Variants in SPIRE2 observed in about 807,000 individuals in gnomAD.
SPIRE2 encodes the protein protein spire homolog 2.
A neutral mutation model predicts 80.7 loss-of-function variants in SPIRE2; 76 were observed. The ratio of observed to expected loss-of-function variants is 0.94; its 90% confidence interval spans 0.78 to 1.14. The LOEUF (loss-of-function observed/expected upper bound fraction) is 1.14, where lower values mean the gene tolerates loss of function less well. Ranked by LOEUF, SPIRE2 falls within the 50% of genes most tolerant of loss-of-function variation. The pLI is 0.00. For missense variants in SPIRE2, 1,196 were observed against 1,015.3 expected, an observed-to-expected ratio of 1.18 and a Z score of -2.42; for synonymous variants, 535 against 432.6, an observed-to-expected ratio of 1.24 and a Z score of -2.94.
intron 1 of SPIRE2, among the ~76,000 whole-genome samples, chr16:89,829,771 G>T (rs1259124825): frequency 6.6e-6 from 1 of 151,472 alleles, no homozygotes; most frequent in South Asian, 2.1e-4. Context: ...ACAGGTGACA[G>T]CAAGAGCAGG....
chr16:89,832,817 T>TTTG (rs901220610), intron 1 of SPIRE2, among the ~76,000 whole-genome samples: 3 of 151,922 alleles, frequency 2.0e-5, no homozygotes, highest in African/African-American at 7.3e-5. Context: ...GGGCCCTGTT[T>TTTG]TTGTTGTTGT....
In SPIRE2 at chr16:89,870,257, T is replaced by G. The variant is rs777746782; in HGVS notation, c.2130T>G (p.Thr710=). Residue 710 remains threonine, a synonymous_variant, in exon 15 of 15, where the codon ACT becomes ACG. Coordinates refer to ENST00000378247, the MANE Select transcript of SPIRE2 (RefSeq NM_032451.2). Reference sequence around the variant, plus strand: ...CCCTCTACATCCCTAACACCAGGACTCTTGACTTCAAGTGACAGCCCCAGG... The same window carrying G: ...CCCTCTACATCCCTAACACCAGGACGCTTGACTTCAAGTGACAGCCCCAGG... ...TQSLYIPNTR[T]LDFK is the part of the protein sequence containing the mutation. 1.4e-5 allele frequency: 23 copies of G among 1,595,864 alleles called. No homozygotes were observed. Among genetic ancestry groups the G allele is most frequent in the Admixed American group, 5.2e-5 (3 of 57,220 alleles).
chr16:89,855,771 C>A, intron 6 of SPIRE2, 85 bp downstream of exon 6: 1 of 1,363,568 alleles, frequency 7.3e-7, no homozygotes. Context: ...CCCAGCACGT[C>A]TTCCTGTGGC....
At position 89,870,365 on chromosome 16, in the gene SPIRE2, T is replaced by G; in HGVS notation, c.*93T>G. On this transcript the variant is annotated 3_prime_UTR_variant, in exon 15 of 15. Transcript: ENST00000378247. ...CTGTGCATGTACATATATACATATA[T>G]AGATACATTTATAATATATACACAC... 2.9e-6 allele frequency: 2 copies of G among 679,804 alleles called. No individual in the cohort carries two copies. Among genetic ancestry groups the G allele is most frequent in the Non-Finnish European group, 5.1e-6 (2 of 395,454 alleles). 42.1% of individuals were successfully genotyped at this position (679,804 alleles called of 1,614,324 possible).
At position 89,869,665 on chromosome 16, in the gene SPIRE2, G is replaced by C; in HGVS notation, c.1905G>C (p.Gln635His). 1 of 1,613,870 alleles carries C rather than the reference G, an allele frequency of 6.2e-7. No individual in the cohort carries two copies. The highest frequency in any genetic ancestry group is 8.5e-7 in the Non-Finnish European group (1 of 1,179,772). Residue 635 changes from glutamine (Q) to histidine (H), a missense_variant, in exon 14 of 15, where the codon CAG (glutamine) becomes CAC (histidine). By Grantham distance (24) the Gln-to-His change is conservative (BLOSUM62 0). Coordinates refer to ENST00000378247, the MANE Select transcript of SPIRE2 (RefSeq NM_032451.2). ...CAGCTGCCAAAACCGCGCCAATCCA[G>C]AGAAGAGACATCTTTCAGTGCGTTC... ...RVSAAKTAPI[Q>H]RRDIFQSLQG...
At chr16:89,865,105 C>T (rs2041778093) in intron 12 of SPIRE2, among the ~76,000 whole-genome samples, 1 of 148,164 alleles carries the variant, frequency 6.7e-6, no homozygotes, top group East Asian at 2.0e-4. Context: ...CTCCTGAGTT[C>T]CCACCATTCT....
At chr16:89,858,934 G>C (rs2041717349) in intron 8 of SPIRE2, among the ~76,000 whole-genome samples, 1 of 152,206 alleles carries the variant, frequency 6.6e-6, no homozygotes, top group Admixed American at 6.5e-5. Flanking sequence ...AGAGGGCTCT[G>C]CCTCCGTCTG....
At chr16:89,860,486 C>T (rs1376801491) in intron 9 of SPIRE2, among the ~76,000 whole-genome samples, 197 bp from the exon 10 acceptor site, 1 of 152,034 alleles carries the variant, frequency 6.6e-6, no homozygotes, top group Non-Finnish European at 1.5e-5. Flanking sequence ...GTCTCAAGCT[C>T]CTAGGCTCAA....
Position 89,867,101 on chromosome 16 carries a change from G to A in SPIRE2, c.1779-1088G>A, listed in dbSNP as rs139816986. On this transcript the variant is annotated intron_variant, in intron 12 of 14. Coordinates refer to ENST00000378247, the MANE Select transcript of SPIRE2 (RefSeq NM_032451.2). ...GAAGGAATCTTAGATGTCTTTCCAA[G>A]ACAGTGTGCAAGTTTTTTTTTTGTT... Among the ~76,000 whole-genome samples the A allele has an allele frequency of 3.3e-5, 5 of 152,034 alleles. No homozygotes were observed. In the East Asian group the frequency reaches 9.7e-4, roughly 29 times the overall value.
intron 7 of SPIRE2, among the ~76,000 whole-genome samples, chr16:89,856,623 T>G (rs2143816036): frequency 6.7e-6 from 1 of 149,278 alleles, no homozygotes; most frequent in East Asian, 2.0e-4. Flanking sequence ...TTTTTTTTTT[T>G]TTTTTTTTGT....
intron 1 of SPIRE2, among the ~76,000 whole-genome samples, chr16:89,829,527 G>A (rs942330850): frequency 6.6e-6 from 1 of 152,252 alleles, no homozygotes; most frequent in African/African-American, 2.4e-5. Flanking sequence ...GCAGAGGCAG[G>A]CTGTGTGTTT....
intron 10 of SPIRE2, among the ~76,000 whole-genome samples, chr16:89,861,123 T>C (rs1006941911): frequency 6.6e-6 from 1 of 152,064 alleles, no homozygotes; most frequent in African/African-American, 2.4e-5. Context: ...TGAGGGGGGT[T>C]CACTGGGTCG....
intron 7 of SPIRE2, among the ~76,000 whole-genome samples, chr16:89,857,318 TAGAGAC>T (rs1321111962): frequency 1.3e-5 from 2 of 151,702 alleles, no homozygotes; most frequent in Non-Finnish European, 2.9e-5. Flanking sequence ...GTGTTTTTTG[TAGAGAC>T]AGGGTCTCAC....
chr16:89,868,210 C>T lies in SPIRE2; in HGVS notation c.1800C>T (p.Ser600=). The T allele has an allele frequency of 1.2e-6, 2 of 1,614,010 alleles. No individual in the cohort carries two copies. The highest frequency in any genetic ancestry group is 1.3e-5 in the African/African-American group (1 of 74,988). The part of the protein sequence containing the change: ...FCKRAVCTSC[S]IKMKMPSKKF... ...CCAGAGCCGTCTGCACTTCCTGTAG[C>T]ATAAAGGTGAGGACCATGTGGGATC... is the stretch of plus-strand genomic sequence containing the variant. The change falls in exon 13 of 15, where the codon AGC becomes AGT. Residue 600 remains serine, a synonymous_variant. Transcript: ENST00000378247.
At chr16:89,845,507 G>A (rs774064979) in intron 2 of SPIRE2, 142 bp downstream of exon 2, 5 of 802,402 alleles carry the variant, frequency 6.2e-6, no homozygotes, top group Non-Finnish European at 1.1e-5. Flanking sequence ...AGGCTTAGTT[G>A]CAGGGACTGG....
intron 4 of SPIRE2, 43 bp downstream of exon 4, chr16:89,854,409 G>A: frequency 1.2e-6 from 2 of 1,611,408 alleles, no homozygotes; most frequent in Non-Finnish European, 1.7e-6. Flanking sequence ...ACGCGGCCCA[G>A]CCTGCCAAGG....
chr16:89,857,994 T>C (rs10459819), intron 7 of SPIRE2, among the ~76,000 whole-genome samples: 96,314 of 151,270 alleles, frequency 0.64, 31,725 homozygotes, highest in African/African-American at 0.79. Context: ...GCCATTCTCC[T>C]GCCTTAGCTT....
chr16:89,854,453 G>T, intron 4 of SPIRE2, 34 bp from the exon 5 acceptor site: 8 of 1,610,946 alleles, frequency 5.0e-6, no homozygotes, highest in Non-Finnish European at 6.8e-6. Flanking sequence ...GCTTCACCTG[G>T]GGCTGAGACC....
intron 3 of SPIRE2, among the ~76,000 whole-genome samples, chr16:89,853,603 G>A (rs983157104): frequency 2.6e-5 from 4 of 152,026 alleles, no homozygotes; most frequent in Non-Finnish European, 5.9e-5. Flanking sequence ...ACCTGGGGCC[G>A]AAGCCAGGGT....
Sources: allele counts gnomAD v4.1 joint callset (sites outside exome capture counted in the v4.1 genomes callset), GRCh38; gene constraint gnomAD v4.1.1; transcripts MANE v1.5; gene names NCBI Gene and HGNC (gene_info 2026-07-23, HGNC 2026-07-21).